The following AGMO variants were observed in gnomAD, a reference collection of about 807,000 sequenced individuals.
AGMO encodes the protein alkylglycerol monooxygenase.
In AGMO, 75 loss-of-function variants were observed where a neutral mutation model predicts 60.2. That is an observed-to-expected ratio of 1.25 (90% CI 1.03 to 1.51). The LOEUF is 1.51. AGMO is among the 40% of genes most tolerant of loss of function. AGMO has a pLI of 0.00. For missense variants in AGMO, 763 were observed against 525.5 expected, an observed-to-expected ratio of 1.45 and a Z score of -4.42; for synonymous variants, 261 against 177.1, an observed-to-expected ratio of 1.47 and a Z score of -3.76.
At chr7:15,259,194 A>G (rs1238198774) in intron 12 of AGMO, among the ~76,000 whole-genome samples, 2 of 152,062 alleles carry the variant, frequency 1.3e-5, no homozygotes, top group African/African-American at 4.8e-5. Context: ...TCAGTGAAAT[A>G]GATAGCATAA....
chr7:15,480,338 T>G (rs1378550554), intron 3 of AGMO, among the ~76,000 whole-genome samples: 3 of 152,080 alleles, frequency 2.0e-5, no homozygotes, highest in Non-Finnish European at 4.4e-5. Context: ...GCAATAATGT[T>G]TAGAGTCAGT....
At chr7:15,358,741 A>G (rs1479373085) in intron 12 of AGMO, among the ~76,000 whole-genome samples, 1 of 152,164 alleles carries the variant, frequency 6.6e-6, no homozygotes, top group Non-Finnish European at 1.5e-5. Context: ...TTTGTGGTAA[A>G]TCTCTGTCAC....
At chr7:15,503,101 T>C (rs1335194732) in intron 3 of AGMO, among the ~76,000 whole-genome samples, 1 of 152,070 alleles carries the variant, frequency 6.6e-6, no homozygotes, top group African/African-American at 2.4e-5. Context: ...AAGTCATTCA[T>C]TCATTTTTTT....
chr7:15,357,414 A>G (rs1463387970), intron 12 of AGMO, among the ~76,000 whole-genome samples: 1 of 151,748 alleles, frequency 6.6e-6, no homozygotes, highest in Non-Finnish European at 1.5e-5. Flanking sequence ...AGATGAACCC[A>G]AGTAATAAAT....
At chr7:15,508,864 A>G (rs1316823796) in intron 3 of AGMO, among the ~76,000 whole-genome samples, 1 of 152,238 alleles carries the variant, frequency 6.6e-6, no homozygotes, top group African/African-American at 2.4e-5. Flanking sequence ...ACCATAATAC[A>G]TTCCATTCAG....
intron 5 of AGMO, 68 bp downstream of exon 5, chr7:15,418,490 G>T: frequency 1.1e-6 from 1 of 946,762 alleles, no homozygotes; most frequent in Non-Finnish European, 1.6e-6. Flanking sequence ...TCATCTGCTA[G>T]TGGATTTCCA....
At chr7:15,142,107 T>C in the AGMO span, among the ~76,000 whole-genome samples, 1 of 152,178 alleles carries the variant, frequency 6.6e-6, no homozygotes, top group Non-Finnish European at 1.5e-5. Flanking sequence ...TGTCATGTTA[T>C]TCTTAATCTC....
intron 5 of AGMO, chr7:15,396,391 A>C (rs10238980): frequency 2.0e-5 from 3 of 151,838 alleles, no homozygotes; most frequent in East Asian, 3.9e-4. Flanking sequence ...CGTAAAAGTG[A>C]CTCGTCCTGA....
At chr7:15,388,442 A>G (rs1318147254) in intron 8 of AGMO, among the ~76,000 whole-genome samples, 2 of 152,146 alleles carry the variant, frequency 1.3e-5, no homozygotes, top group African/African-American at 4.8e-5. Context: ...TAATACAGAA[A>G]ACCAATGTGC....
chr7:15,188,397 C>T, the AGMO span, among the ~76,000 whole-genome samples: 1 of 152,100 alleles, frequency 6.6e-6, no homozygotes, highest in Non-Finnish European at 1.5e-5. Context: ...ATGGGAAGTA[C>T]TATGTAAGAT....
chr7:15,560,519 C>T (rs1785276257), intron 1 of AGMO, among the ~76,000 whole-genome samples: 1 of 151,952 alleles, frequency 6.6e-6, no homozygotes, highest in Non-Finnish European at 1.5e-5. Context: ...TAGATATAAC[C>T]ACGATAATTA....
chr7:15,390,136 G>C (rs1435693171), intron 8 of AGMO, among the ~76,000 whole-genome samples: 5 of 151,920 alleles, frequency 3.3e-5, no homozygotes, highest in African/African-American at 9.7e-5. Context: ...GCCAACCATC[G>C]AGACCAATGA....
At chr7:15,322,593 AATATATATAAAT>A (rs1781177465) in intron 12 of AGMO, among the ~76,000 whole-genome samples, 1 of 25,174 alleles carries the variant, frequency 4.0e-5, no homozygotes, top group African/African-American at 2.1e-4. Context: ...TAAATATATA[AATATATATAAAT>A]ATATATAAAT....
the AGMO span, among the ~76,000 whole-genome samples, chr7:15,131,573 G>A: frequency 6.6e-6 from 1 of 152,004 alleles, no homozygotes; most frequent in Non-Finnish European, 1.5e-5. Flanking sequence ...TGACTACTTA[G>A]CAGAATTTGT....
At chr7:15,190,642 C>A in the AGMO span, among the ~76,000 whole-genome samples, 1 of 152,252 alleles carries the variant, frequency 6.6e-6, no homozygotes, top group South Asian at 2.1e-4. Context: ...TCCCCATTGA[C>A]TTGATTCTAA....
intron 3 of AGMO, among the ~76,000 whole-genome samples, chr7:15,448,090 T>C (rs1781752521): frequency 6.6e-6 from 1 of 152,212 alleles, no homozygotes; most frequent in Non-Finnish European, 1.5e-5. Context: ...TTATTAACTC[T>C]GTGCTTTAAG....
chr7:15,463,204 T>G (rs1005673561), intron 3 of AGMO, among the ~76,000 whole-genome samples: 18 of 152,184 alleles, frequency 1.2e-4, no homozygotes, highest in Admixed American at 3.9e-4. Context: ...GAGGCCAGAT[T>G]GCAAACAGAG....
At chr7:15,130,834 A>G in the AGMO span, among the ~76,000 whole-genome samples, 2 of 152,126 alleles carry the variant, frequency 1.3e-5, no homozygotes, top group Non-Finnish European at 2.9e-5. Flanking sequence ...ATACAAAGAT[A>G]TTTATCAGGA....
At chr7:15,384,330 A>T (rs987561066) in intron 10 of AGMO, among the ~76,000 whole-genome samples, 12 of 152,114 alleles carry the variant, frequency 7.9e-5, no homozygotes, top group African/African-American at 2.9e-4. Context: ...TTTAAAGTTT[A>T]TTTTAATTAC....
Sources: allele counts gnomAD v4.1 joint callset (sites outside exome capture counted in the v4.1 genomes callset), GRCh38; gene constraint gnomAD v4.1.1; transcripts MANE v1.5; gene names NCBI Gene and HGNC (gene_info 2026-07-23, HGNC 2026-07-21).